Variants in ATP2A2 observed in about 807,000 individuals in gnomAD.
ATP2A2 encodes ATPase sarcoplasmic/endoplasmic reticulum Ca2+ transporting 2.
ATP2A2 carries 14 observed loss-of-function variants against 109.3 expected under a neutral mutation model. The ratio of observed to expected loss-of-function variants is 0.13; its 90% CI spans 0.08 to 0.20. ATP2A2 has a LOEUF of 0.20. Among genes scored for constraint, ATP2A2 ranks in the 10% least tolerant of loss-of-function variants. The pLI is 1.00. For missense variants in ATP2A2, 657 were observed against 1,321.6 expected (o/e 0.50, Z 7.80); for synonymous variants, 506 against 490.9 (o/e 1.03, Z -0.41).
At chr12:110,303,464 G>T (rs1874903076) in intron 5 of ATP2A2, among the ~76,000 whole-genome samples, 1 of 152,114 alleles carries the variant, frequency 6.6e-6, no homozygotes, top group Admixed American at 6.5e-5. Context: ...AGGCTGGAGT[G>T]CAGTGGCATG....
At chr12:110,328,564 T>C (rs1203939373) in intron 8 of ATP2A2, among the ~76,000 whole-genome samples, 2 of 152,106 alleles carry the variant, frequency 1.3e-5, no homozygotes, top group Non-Finnish European at 2.9e-5. Context: ...CAAGACTCCA[T>C]CTCAAAGAAA....
chr12:110,321,539 C>T (rs532785476), intron 5 of ATP2A2, among the ~76,000 whole-genome samples: 1 of 152,212 alleles, frequency 6.6e-6, no homozygotes, highest in African/African-American at 2.4e-5. Context: ...GGTGTGAACT[C>T]GGCTCACTGC....
chr12:110,307,307 T>C (rs1417432328), intron 5 of ATP2A2, among the ~76,000 whole-genome samples: 2 of 148,948 alleles, frequency 1.3e-5, no homozygotes, highest in Non-Finnish European at 3.0e-5. Context: ...TTATAGCTCA[T>C]TGAGCCATGG....
Position 110,347,138 on chromosome 12 carries a change from G to A in ATP2A2, c.*668G>A, listed in dbSNP as rs1457230255. 5.1e-6 allele frequency: 6 copies of A among 1,180,632 alleles called. No individual in the cohort carries two copies. Among genetic ancestry groups the A allele is most frequent in the Non-Finnish European group, 5.3e-6 (5 of 939,818 alleles). 73.1% of individuals were successfully genotyped at this position (1,180,632 alleles called of 1,614,324 possible). On this transcript the variant is annotated 3_prime_UTR_variant, in exon 20 of 20. Transcript: ENST00000539276. ...ACGAGAGGTATGCCTGTACTCGCTT[G>A]TGCAGAAAACATTGTTCCAGATTCA...
chr12:110,316,689 G>GT (rs1444232794), intron 5 of ATP2A2, among the ~76,000 whole-genome samples: 1 of 152,188 alleles, frequency 6.6e-6, no homozygotes, highest in Non-Finnish European at 1.5e-5. Flanking sequence ...CCATGCGAGT[G>GT]TAAGGAAAGG....
Position 110,348,114 on chromosome 12 carries a change from T to C in ATP2A2, c.*1644T>C, listed in dbSNP as rs1328681690. 1 of 985,482 alleles carries C rather than the reference T, an allele frequency of 1.0e-6. No homozygotes were observed. Among genetic ancestry groups the C allele is most frequent in the African/African-American group, 1.7e-5 (1 of 57,260 alleles). 61.0% of individuals were successfully genotyped at this position (985,482 alleles called of 1,614,324 possible). A position where few individuals can be genotyped will look rare whatever the true frequency, so the allele number is the denominator to read the frequency against. On this transcript the variant is annotated 3_prime_UTR_variant, in exon 20 of 20. Transcript: ENST00000539276. ...AGGCTGAAGGAGCTGTGCAGACTAT[T>C]GCTAAAATGAGGGTTCGCAGCTGCC...
intron 16 of ATP2A2, among the ~76,000 whole-genome samples, chr12:110,344,633 T>A (rs1879668105): frequency 6.6e-6 from 1 of 152,188 alleles, no homozygotes; most frequent in East Asian, 1.9e-4. Flanking sequence ...ATGGAGCAAG[T>A]GCTTTTTCTC....
chr12:110,340,591 C>T lies in ATP2A2; in HGVS notation c.1762-68C>T, dbSNP rs1308310196. The T allele has an allele frequency of 1.3e-6, 2 of 1,510,026 alleles. No homozygotes were observed. Among genetic ancestry groups the T allele is most frequent in the East Asian group, 2.3e-5 (1 of 44,384 alleles). 93.5% of individuals were successfully genotyped at this position (1,510,026 alleles called of 1,614,324 possible). A position where few individuals can be genotyped will look rare whatever the true frequency, so the allele number is the denominator to read the frequency against. On this transcript the variant is annotated intron_variant, in intron 13 of 19. Transcript: ENST00000539276. The surrounding 1 kb of genome is among the most constrained non-coding windows in gnomAD (Gnocchi z 6.0). ...AAACCTGTCTCAATGTTTAACTGGG[C>T]ATTTTTCAAACTAGGGGACAAAAAC...
chr12:110,315,137 A>T (rs1876532967), intron 5 of ATP2A2, among the ~76,000 whole-genome samples: 1 of 152,194 alleles, frequency 6.6e-6, no homozygotes, highest in Admixed American at 6.5e-5. Context: ...GAGTGCTGGG[A>T]TTACAGGCGT....
chr12:110,314,427 A>C (rs1055510991), intron 5 of ATP2A2, among the ~76,000 whole-genome samples: 1 of 152,196 alleles, frequency 6.6e-6, no homozygotes, highest in Non-Finnish European at 1.5e-5. Context: ...GAGGGACATA[A>C]ACTTGGTGGG....
chr12:110,350,142 A>T lies in ATP2A2; in HGVS notation c.*3672A>T. 2 of 1,546,170 alleles carry T rather than the reference A, an allele frequency of 1.3e-6. No homozygotes were observed. The highest frequency in any genetic ancestry group is 1.7e-6 in the Non-Finnish European group (2 of 1,146,674). On this transcript the variant is annotated 3_prime_UTR_variant, in exon 20 of 20. Transcript: ENST00000539276. ...TGTGGGCGGCACCTCAGGGACAGTAAATCAGAAATGCTGGTCTTGAAACCT... is the reference window on the plus strand; with the variant it reads ...TGTGGGCGGCACCTCAGGGACAGTATATCAGAAATGCTGGTCTTGAAACCT...
At position 110,349,652 on chromosome 12, in the gene ATP2A2, A is replaced by C. The variant is rs762962719; in HGVS notation, c.*3182A>C. On this transcript the variant is annotated 3_prime_UTR_variant, in exon 20 of 20. Transcript: ENST00000539276. ...GGCAGACCTAAGACCTGAGACCACA[A>C]GATTAGCTCAGTGTCTACCAAGCAT... The C allele has an allele frequency of 8.1e-6, 8 of 987,482 alleles. No individual in the cohort carries two copies. Among genetic ancestry groups the C allele is most frequent in the Non-Finnish European group, 9.6e-6 (8 of 831,230 alleles). The allele number at this position is 987,482 out of a possible 1,614,324, so 61.2% of individuals were successfully genotyped here.
At chr12:110,280,936 A>ACTGTGAGCGCCCCACCCTGCGT (rs1871967148), upstream of ATP2A2, 1 of 152,250 alleles carries the variant, frequency 6.6e-6, no homozygotes, top group Admixed American at 6.5e-5. Flanking sequence ...CAGCGTGCCC[A>ACTGTGAGCGCCCCACCCTGCGT]CTGTGAGCGC....
chr12:110,347,541 G>T lies in ATP2A2; in HGVS notation c.*1071G>T. 7.8e-7 allele frequency: 1 copy of T among 1,287,914 alleles called. No homozygotes were observed. The highest frequency in any genetic ancestry group is 2.3e-5 in the Admixed American group (1 of 43,530). 79.8% of individuals were successfully genotyped at this position (1,287,914 alleles called of 1,614,324 possible). ...TTTTATGCAAGTTTCTGCTGGCCTG[G>T]TATAGAGAACATAAGGGCAAGTGTG... On this transcript the variant is annotated 3_prime_UTR_variant, in exon 20 of 20. Coordinates refer to ENST00000539276, the MANE Select transcript of ATP2A2 (RefSeq NM_170665.4).
intron 5 of ATP2A2, among the ~76,000 whole-genome samples, chr12:110,312,479 T>G (rs529165466): frequency 2.0e-5 from 3 of 152,226 alleles, no homozygotes; most frequent in African/African-American, 7.2e-5. Context: ...TTGAAAATCT[T>G]GTGTGCAACT....
chr12:110,303,290 A>G (rs1450878174), intron 5 of ATP2A2, among the ~76,000 whole-genome samples: 1 of 151,658 alleles, frequency 6.6e-6, no homozygotes, highest in African/African-American at 2.4e-5. Context: ...CAGTGGTGTG[A>G]TCTCGGCTCA....
intron 5 of ATP2A2, among the ~76,000 whole-genome samples, chr12:110,320,069 C>CA (rs1219760030): frequency 6.6e-6 from 1 of 152,122 alleles, no homozygotes; most frequent in African/African-American, 2.4e-5. Flanking sequence ...CAGTGTTACC[C>CA]AGGAAATTTA....
In ATP2A2 at chr12:110,346,378, G is replaced by T. The variant is rs750386877; in HGVS notation, c.3037G>T (p.Gly1013Trp). Residue 1013 changes from glycine (G) to tryptophan (W), a missense_variant, in exon 20 of 20, where the codon GGG (glycine) becomes TGG (tryptophan). Physicochemically the swap from Gly to Trp is radical, Grantham distance 184. Transcript: ENST00000539276. ...CTGCTCGTTCTCGGCATGCACCGAT[G>T]GGATTTCCTGGCCGTTTGTGCTGCT... ...KSCSFSACTDGISWPFVLLIM... is the reference protein window; with the variant it reads ...KSCSFSACTDWISWPFVLLIM... 2 of 1,614,082 alleles carry T rather than the reference G, an allele frequency of 1.2e-6. No homozygotes were observed. Among genetic ancestry groups the T allele is most frequent in the African/African-American group, 2.7e-5 (2 of 74,930 alleles).
chr12:110,302,479 C>A (rs1262824302), intron 5 of ATP2A2, among the ~76,000 whole-genome samples: 1 of 152,070 alleles, frequency 6.6e-6, no homozygotes. Context: ...TAGTTATTTA[C>A]CACTTTTTTT....
Sources: gnomAD v4.1 joint callset for allele counts (sites outside exome capture counted in the v4.1 genomes callset) on GRCh38, gnomAD v4.1.1 for gene constraint, Gnocchi (gnomAD v3.1) non-coding constraint, MANE v1.5 for transcripts, NCBI Gene and HGNC (gene_info 2026-07-23, HGNC 2026-07-21) for gene names.